The following ERC2 variants were observed in gnomAD, a reference collection of about 807,000 sequenced individuals.
The protein encoded by ERC2 is ERC protein 2.
A neutral mutation model predicts 114.8 loss-of-function variants in ERC2; 42 were observed. That is an observed-to-expected ratio of 0.37 (90% CI 0.29 to 0.47). The LOEUF (loss-of-function observed/expected upper bound fraction) is 0.47. Ranked by LOEUF, ERC2 falls within the 20% of genes least tolerant of loss-of-function variation. The probability of loss-of-function intolerance (pLI) is 0.99; values close to 1 mark genes in which losing one functional copy is unlikely to be tolerated. For missense variants in ERC2, 939 were observed against 1,150.7 expected (o/e 0.82, Z 2.66); for synonymous variants, 454 against 425.5 (o/e 1.07, Z -0.82).
chr3:55,831,776 C>T (rs540071719), intron 14 of ERC2, among the ~76,000 whole-genome samples: 3 of 152,084 alleles, frequency 2.0e-5, no homozygotes, highest in East Asian at 1.9e-4. Context: ...TACAACGCAC[C>T]GTGTGTGAGT....
intron 3 of ERC2, among the ~76,000 whole-genome samples, chr3:56,292,682 C>T (rs1427155564): frequency 6.6e-6 from 1 of 152,046 alleles, no homozygotes; most frequent in Non-Finnish European, 1.5e-5. Context: ...CAAACACTAG[C>T]TTCACCATTT....
chr3:56,167,592 T>C (rs973428524), intron 4 of ERC2, among the ~76,000 whole-genome samples: 4 of 152,114 alleles, frequency 2.6e-5, no homozygotes, highest in Admixed American at 1.3e-4. Flanking sequence ...AATAGTTAAA[T>C]GGGATAAAGG....
chr3:55,570,952 C>G (rs957426240), intron 17 of ERC2, among the ~76,000 whole-genome samples: 1 of 151,710 alleles, frequency 6.6e-6, no homozygotes, highest in Non-Finnish European at 1.5e-5. Context: ...ATGGGGAAAC[C>G]CTGTCTCTAC....
Position 56,223,419 on chromosome 3 carries a change from A to G in ERC2, c.1075-49899T>C, listed in dbSNP as rs57907916. Among the ~76,000 whole-genome samples the G allele has an allele frequency of 4.4e-3, 670 of 152,060 alleles. 5 individuals carry two copies. The highest frequency in any genetic ancestry group is 0.016 in the African/African-American group (645 of 41,454). On this transcript the variant is annotated intron_variant, in intron 3 of 17. Transcript: ENST00000288221. ...AAAACCAAGATGGCACATAAATTGA[A>G]GGCAACATACGCAAGAAAGTGGAAG... is the stretch of plus-strand genomic sequence containing the variant.
rs1197557003 is a variant in ERC2 at position 56,276,187 on chromosome 3, C to A, written c.1074+19832G>T. Reference sequence around the variant, plus strand: ...TGAAGAAAATCAAATCAGCTGATTACAGACAGGGGTTCCAGAAACTGCCCA... The same window carrying A: ...TGAAGAAAATCAAATCAGCTGATTAAAGACAGGGGTTCCAGAAACTGCCCA... On this transcript the variant is annotated intron_variant, in intron 3 of 17. Transcript: ENST00000288221. Among the ~76,000 whole-genome samples, 7 of 152,110 alleles carry A rather than the reference C, an allele frequency of 4.6e-5. No individual in the cohort carries two copies. The South Asian group carries it at 1.2e-3, about 27-fold the overall frequency.
At chr3:56,334,136 C>A (rs2057750490) in intron 2 of ERC2, among the ~76,000 whole-genome samples, 1 of 152,192 alleles carries the variant, frequency 6.6e-6, no homozygotes, top group East Asian at 1.9e-4. Context: ...CAACAGTCTC[C>A]CTTTCCTTTG....
chr3:56,303,971 C>A (rs1215700471), intron 2 of ERC2, among the ~76,000 whole-genome samples: 2 of 152,066 alleles, frequency 1.3e-5, no homozygotes, highest in Non-Finnish European at 1.5e-5. Context: ...GAAACTTCCA[C>A]GAGTGATGGC....
At chr3:55,808,040 C>T (rs957001429) in intron 14 of ERC2, among the ~76,000 whole-genome samples, 2 of 152,128 alleles carry the variant, frequency 1.3e-5, no homozygotes, top group African/African-American at 4.8e-5. Flanking sequence ...AAATTGGAGA[C>T]ATCGTCATCA....
intron 13 of ERC2, among the ~76,000 whole-genome samples, chr3:55,938,902 C>T (rs1054939556): frequency 5.3e-5 from 8 of 152,038 alleles, no homozygotes; most frequent in Non-Finnish European, 1.2e-4. Flanking sequence ...ATATTTTAAA[C>T]CTGGAAATAT....
rs144066867 is a variant in ERC2, at chr3:56,399,616, A to G, written c.657+34735T>C. 2.4e-3 allele frequency among the ~76,000 whole-genome samples: 373 copies of G among 152,350 alleles called. 2 individuals are homozygous for G. Among genetic ancestry groups the G allele is most frequent in the African/African-American group, 8.7e-3 (363 of 41,596 alleles). ...AAGAGTACTGCAGAATGTTTCATAT[A>G]ACAAGATTTTACAGGTACATTTTAC... On this transcript the variant is annotated intron_variant, in intron 2 of 17. Coordinates refer to ENST00000288221, the MANE Select transcript of ERC2 (RefSeq NM_015576.3).
At chr3:55,567,502 T>G (rs1314482546) in intron 17 of ERC2, among the ~76,000 whole-genome samples, 1 of 152,156 alleles carries the variant, frequency 6.6e-6, no homozygotes, top group African/African-American at 2.4e-5. Flanking sequence ...GATCTGATTT[T>G]CATTTCAAAA....
intron 17 of ERC2, among the ~76,000 whole-genome samples, chr3:55,583,389 T>G (rs1161346768): frequency 1.6e-5 from 2 of 128,212 alleles, no homozygotes; most frequent in African/African-American, 8.4e-5. Flanking sequence ...CTTCTTTCTT[T>G]CCTTCCTTCT....
intron 16 of ERC2, among the ~76,000 whole-genome samples, chr3:55,694,487 T>C (rs1190991905): frequency 1.3e-5 from 2 of 152,194 alleles, no homozygotes; most frequent in Non-Finnish European, 2.9e-5. Flanking sequence ...CTCATAGCCC[T>C]CATTTAGAAG....
intron 1 of ERC2, among the ~76,000 whole-genome samples, chr3:56,438,190 C>A (rs911856352): frequency 6.6e-6 from 1 of 152,154 alleles, no homozygotes; most frequent in Non-Finnish European, 1.5e-5. Flanking sequence ...AACCATCAGG[C>A]CTCCCAGATA....
intron 14 of ERC2, among the ~76,000 whole-genome samples, chr3:55,844,868 T>C (rs1331053539): frequency 1.3e-5 from 2 of 152,166 alleles, no homozygotes; most frequent in East Asian, 1.9e-4. Context: ...AGAGACCCTA[T>C]AGGGCAGCAG....
intron 16 of ERC2, among the ~76,000 whole-genome samples, chr3:55,694,934 T>C (rs1437756482): frequency 6.6e-6 from 1 of 152,196 alleles, no homozygotes; most frequent in African/African-American, 2.4e-5. Flanking sequence ...GCTTTTCTTA[T>C]TCACCAGGTT....
At chr3:56,152,167 T>C (rs1470540647) in intron 4 of ERC2, among the ~76,000 whole-genome samples, 1 of 152,120 alleles carries the variant, frequency 6.6e-6, no homozygotes, top group Non-Finnish European at 1.5e-5. Flanking sequence ...TCAAGTATGT[T>C]TGAGAAATGC....
intron 15 of ERC2, among the ~76,000 whole-genome samples, chr3:55,717,630 TCAAC>T (rs1000003631): frequency 1.3e-5 from 2 of 152,182 alleles, no homozygotes; most frequent in Non-Finnish European, 2.9e-5. Flanking sequence ...GATTTGCACT[TCAAC>T]ACCGTAAGAG....
rs150626021 is a variant in ERC2 at position 55,897,304 on chromosome 3, C to T, written c.2404-8755G>A. ...GAGGCTTGCTTGGCAAGAGCTGATA[C>T]TCAAATATTTTGATAAAGCTATTTT... On this transcript the variant is annotated intron_variant, in intron 13 of 17. Coordinates refer to ENST00000288221, the MANE Select transcript of ERC2 (RefSeq NM_015576.3). Among the ~76,000 whole-genome samples the T allele has an allele frequency of 4.5e-3, 678 of 152,294 alleles. 6 individuals carry two copies. Among genetic ancestry groups the T allele is most frequent in the African/African-American group, 0.015 (642 of 41,562 alleles).
Sources: gnomAD v4.1 joint callset for allele counts (sites outside exome capture counted in the v4.1 genomes callset) on GRCh38, gnomAD v4.1.1 for gene constraint, MANE v1.5 for transcripts, NCBI Gene and HGNC (gene_info 2026-07-23, HGNC 2026-07-21) for gene names.